Variants in TMX2 observed in about 807,000 individuals in gnomAD.
The protein encoded by TMX2 is thioredoxin related transmembrane protein 2.
Under a neutral mutation model 33.4 loss-of-function variants are expected in TMX2, and 20 were observed. That is an observed-to-expected ratio of 0.60 (90% confidence interval 0.42 to 0.87). The LOEUF (loss-of-function observed/expected upper bound fraction) is 0.87, where lower values mean the gene tolerates loss of function less well. Ranked by LOEUF, TMX2 falls within the 40% of genes least tolerant of loss-of-function variation. The probability of loss-of-function intolerance (pLI) is 0.00; values close to 1 mark genes in which losing one functional copy is unlikely to be tolerated. For synonymous variants in TMX2, 166 were observed against 140.7 expected, an observed-to-expected ratio of 1.18 and a Z score of -1.27; for missense variants, 340 against 370.7, an observed-to-expected ratio of 0.92 and a Z score of 0.68.
At chr11:57,714,529 T>G (rs1946849914) in intron 1 of TMX2, among the ~76,000 whole-genome samples, 1 of 152,208 alleles carries the variant, frequency 6.6e-6, no homozygotes, top group East Asian at 1.9e-4. Context: ...GTGGTGATTT[T>G]TTTTTCAAAG....
At chr11:57,733,634 A>G (rs149773922) in intron 1 of TMX2, among the ~76,000 whole-genome samples, 1 of 152,204 alleles carries the variant, frequency 6.6e-6, no homozygotes, top group Non-Finnish European at 1.5e-5. Flanking sequence ...AATGGGTAGC[A>G]TATATGAATT....
At chr11:57,723,577 C>T (rs1375048855) in intron 1 of TMX2, among the ~76,000 whole-genome samples, 1 of 150,078 alleles carries the variant, frequency 6.7e-6, no homozygotes, top group Non-Finnish European at 1.5e-5. Flanking sequence ...CTGAGGCAGG[C>T]GGATCACAAG....
chr11:57,731,125 G>GTTTTTTTTTTTTTTTTTTTTTTTTTT (rs757832822), intron 1 of TMX2, among the ~76,000 whole-genome samples: 1 of 85,862 alleles, frequency 1.2e-5, no homozygotes, highest in African/African-American at 4.3e-5. Flanking sequence ...TTTGTTTTTT[G>GTTTTTTTTTTTTTTTTTTTTTTTTTT]TTTTTTTTTT....
rs1948309108 is a variant in TMX2 at position 57,730,559 on chromosome 11, A to C, written c.190-7049A>C. On this transcript the variant is annotated intron_variant, in intron 1 of 7. Transcript: ENST00000278422. Reference sequence around the variant, plus strand: ...CAAGATCAGCCTGGCCAACATGGCAAAACTCCGTCTCTACTAAAAATACAA... The same window carrying C: ...CAAGATCAGCCTGGCCAACATGGCACAACTCCGTCTCTACTAAAAATACAA... 1.3e-5 allele frequency among the ~76,000 whole-genome samples: 2 copies of C among 151,460 alleles called. 1 individual carries two copies. Among genetic ancestry groups the C allele is most frequent in the African/African-American group, 4.9e-5 (2 of 41,128 alleles).
intron 1 of TMX2, among the ~76,000 whole-genome samples, chr11:57,731,258 C>T (rs999155895): frequency 6.7e-5 from 10 of 148,878 alleles, no homozygotes; most frequent in Admixed American, 4.1e-4. Flanking sequence ...CTCAGCTTCC[C>T]GAGTAGCTGG....
chr11:57,716,570 T>G (rs1181970352), intron 1 of TMX2, among the ~76,000 whole-genome samples: 1 of 110,964 alleles, frequency 9.0e-6, no homozygotes, highest in Non-Finnish European at 1.8e-5. Flanking sequence ...GGCGGGGGGC[T>G]GACCCCACCT....
At chr11:57,719,033 ATT>A (rs1191976911) in intron 1 of TMX2, among the ~76,000 whole-genome samples, 17,357 of 69,060 alleles carry the variant, frequency 0.25, 1,086 homozygotes, top group East Asian at 0.53. Flanking sequence ...ATATATATAT[ATT>A]TTTTTTTTTT....
chr11:57,716,161 G>C (rs1220000101), intron 1 of TMX2, among the ~76,000 whole-genome samples: 5 of 151,880 alleles, frequency 3.3e-5, no homozygotes, highest in Admixed American at 1.3e-4. Context: ...AGGGGTGGCC[G>C]GGCAGAGGCG....
At chr11:57,731,470 A>G (rs1948405400) in intron 1 of TMX2, among the ~76,000 whole-genome samples, 1 of 147,988 alleles carries the variant, frequency 6.8e-6, no homozygotes, top group Non-Finnish European at 1.5e-5. Context: ...GACCAAAAAA[A>G]TTAAATCAAT....
chr11:57,732,947 C>G (rs541391191), intron 1 of TMX2, among the ~76,000 whole-genome samples: 6 of 152,200 alleles, frequency 3.9e-5, no homozygotes, highest in Admixed American at 3.9e-4. Context: ...TACTACACAC[C>G]TAGGCTTTAT....
chr11:57,718,159 G>A, intron 1 of TMX2: 1 of 1,226,012 alleles, frequency 8.2e-7, no homozygotes, highest in Non-Finnish European at 1.2e-6. Context: ...AAGACCACAT[G>A]CTTGCCATCC....
Position 57,714,763 on chromosome 11 carries a change from T to A in TMX2, c.189+1956T>A, listed in dbSNP as rs551790114. 2.7e-3 allele frequency among the ~76,000 whole-genome samples: 410 copies of A among 152,198 alleles called. 1 individual carries two copies. The highest frequency in any genetic ancestry group is 4.2e-3 in the Non-Finnish European group (286 of 67,988). On this transcript the variant is annotated intron_variant, in intron 1 of 7. Transcript: ENST00000278422. The stretch of plus-strand genomic sequence containing the variant: ...ATGCACTACACACCTGGCTAATTTT[T>A]AAAAATTTTTTTTCAAGGTGGGGTC...
At chr11:57,731,423 C>T (rs1400509616) in intron 1 of TMX2, among the ~76,000 whole-genome samples, 2 of 146,126 alleles carry the variant, frequency 1.4e-5, no homozygotes, top group Non-Finnish European at 3.0e-5. Context: ...GGTGAGACAC[C>T]GCACCCAGCC....
intron 1 of TMX2, among the ~76,000 whole-genome samples, chr11:57,731,369 G>A (rs577995494): frequency 2.1e-4 from 32 of 150,190 alleles, no homozygotes; most frequent in African/African-American, 6.8e-4. Context: ...CCTGACATCA[G>A]GTGATCTGCC....
chr11:57,716,418 C>T (rs1176779433), intron 1 of TMX2, among the ~76,000 whole-genome samples: 6 of 130,392 alleles, frequency 4.6e-5, no homozygotes, highest in East Asian at 2.3e-4. Flanking sequence ...CCCTCCCGGA[C>T]GGGGCGGCTG....
In TMX2 at chr11:57,712,603, C is replaced by A; in HGVS notation, c.-16C>A. The A allele has an allele frequency of 1.3e-6, 2 of 1,597,750 alleles. No homozygotes were observed. Among genetic ancestry groups the A allele is most frequent in the Non-Finnish European group, 1.7e-6 (2 of 1,169,648 alleles). On this transcript the variant is annotated 5_prime_UTR_variant, in exon 1 of 8. Transcript: ENST00000278422. Reference sequence around the variant, plus strand: ...ACCTACGACGCCGGCGAGCAGTGGCCGTTACGGCCGAAAAGATGGCGGTCT... The same window carrying A: ...ACCTACGACGCCGGCGAGCAGTGGCAGTTACGGCCGAAAAGATGGCGGTCT...
At chr11:57,732,544 G>A (rs1366674904) in intron 1 of TMX2, among the ~76,000 whole-genome samples, 4 of 152,084 alleles carry the variant, frequency 2.6e-5, no homozygotes, top group African/African-American at 9.7e-5. Context: ...TCATTTACCT[G>A]TATACTCTTA....
At chr11:57,731,057 ATG>A (rs1303722059) in intron 1 of TMX2, among the ~76,000 whole-genome samples, 1 of 150,352 alleles carries the variant, frequency 6.7e-6, no homozygotes, top group Middle Eastern at 3.2e-3. Context: ...AAATTCTGTA[ATG>A]TGTTTCCTTT....
intron 1 of TMX2, among the ~76,000 whole-genome samples, chr11:57,715,863 G>A (rs1946958754): frequency 6.6e-6 from 1 of 151,484 alleles, no homozygotes; most frequent in African/African-American, 2.4e-5. Context: ...ACCCTGAGTG[G>A]ACACAGCACA....
Sources: allele counts gnomAD v4.1 joint callset (sites outside exome capture counted in the v4.1 genomes callset), GRCh38; gene constraint gnomAD v4.1.1; transcripts MANE v1.5; gene names NCBI Gene and HGNC (gene_info 2026-07-23, HGNC 2026-07-21).